TSC22D1: variants seen among roughly 807,000 people sequenced by gnomAD.
TSC22D1 encodes TSC22 domain family protein 1.
TSC22D1 carries 9 observed loss-of-function variants against 74.2 expected under a neutral mutation model. That is an observed-to-expected ratio of 0.12 (90% CI 0.07 to 0.21). The LOEUF (loss-of-function observed/expected upper bound fraction) is 0.21. Ranked by LOEUF, TSC22D1 falls within the 10% of genes least tolerant of loss-of-function variation. The pLI is 1.00. For synonymous variants in TSC22D1, 586 were observed against 492.5 expected (o/e 1.19, Z -2.51); for missense variants, 1,427 against 1,304.7 (o/e 1.09, Z -1.44).
At chr13:44,458,715 C>G (rs1876817164) in intron 1 of TSC22D1, among the ~76,000 whole-genome samples, 1 of 152,202 alleles carries the variant, frequency 6.6e-6, no homozygotes, top group Admixed American at 6.5e-5. Context: ...ACTCCCAGTG[C>G]CCGCTCTGAT....
At chr13:44,513,818 C>G (rs1032487597) in intron 1 of TSC22D1, among the ~76,000 whole-genome samples, 1 of 152,158 alleles carries the variant, frequency 6.6e-6, no homozygotes, top group Non-Finnish European at 1.5e-5. Flanking sequence ...CTAATTAAGG[C>G]CTTCGGGAAA....
intron 1 of TSC22D1, among the ~76,000 whole-genome samples, chr13:44,463,992 T>C (rs1877132397): frequency 6.6e-6 from 1 of 152,186 alleles, no homozygotes; most frequent in Admixed American, 6.5e-5. Flanking sequence ...TGTCTTAGGA[T>C]GGATCTTCCG....
chr13:44,452,237 T>C (rs1388728163), intron 1 of TSC22D1, among the ~76,000 whole-genome samples: 1 of 152,074 alleles, frequency 6.6e-6, no homozygotes, highest in Non-Finnish European at 1.5e-5. Flanking sequence ...GCAACCCCAA[T>C]GTATAGCAAA....
At chr13:44,486,088 A>T (rs1439130184) in intron 1 of TSC22D1, among the ~76,000 whole-genome samples, 1 of 152,082 alleles carries the variant, frequency 6.6e-6, no homozygotes, top group African/African-American at 2.4e-5. Flanking sequence ...ATAAGGCAAG[A>T]ATGGAGGGCA....
Position 44,434,177 on chromosome 13 carries a change from CTCCTT to C in TSC22D1, c.*444_*448del, listed in dbSNP as rs945611231. The stretch of plus-strand genomic sequence containing the variant: ...TCCCCCTCATTTTAGTCTTTTTACC[CTCCTT>C]TCAAGTTCCTCCTGGGGGGAGGAGA... On this transcript the variant is annotated 3_prime_UTR_variant, in exon 3 of 3. Transcript: ENST00000458659. 1.2e-5 allele frequency: 18 copies of C among 1,471,080 alleles called. No individual in the cohort carries two copies. The highest frequency in any genetic ancestry group is 2.4e-4 in the Middle Eastern group (1 of 4,244). The allele number at this position is 1,471,080 out of a possible 1,614,324, so 91.1% of individuals were successfully genotyped here.
intron 1 of TSC22D1, chr13:44,537,639 T>G: frequency 4.1e-6 from 4 of 984,678 alleles, no homozygotes; most frequent in Non-Finnish European, 4.8e-6. Context: ...AATTGTCTTA[T>G]TAACATTTAC....
At chr13:44,491,948 A>G (rs1193686377) in intron 1 of TSC22D1, among the ~76,000 whole-genome samples, 2 of 152,204 alleles carry the variant, frequency 1.3e-5, no homozygotes, top group African/African-American at 4.8e-5. Flanking sequence ...AACACTATAC[A>G]TATCTTCTTA....
At chr13:44,496,545 C>T (rs1209687047) in intron 1 of TSC22D1, among the ~76,000 whole-genome samples, 2 of 151,870 alleles carry the variant, frequency 1.3e-5, no homozygotes, top group African/African-American at 4.8e-5. Context: ...ATTAGCCAGG[C>T]GTGGTGGCAA....
At chr13:44,449,508 G>A (rs1407426227) in intron 1 of TSC22D1, among the ~76,000 whole-genome samples, 3 of 152,172 alleles carry the variant, frequency 2.0e-5, no homozygotes, top group Non-Finnish European at 4.4e-5. Context: ...CCAGGAATAG[G>A]AGAAATGGCT....
At chr13:44,448,470 C>T (rs753956071) in intron 1 of TSC22D1, among the ~76,000 whole-genome samples, 10 of 152,042 alleles carry the variant, frequency 6.6e-5, no homozygotes, top group African/African-American at 1.9e-4. Context: ...GTATTTACAA[C>T]GGTAAAGATA....
At chr13:44,537,340 A>C in intron 1 of TSC22D1, 1 of 985,042 alleles carries the variant, frequency 1.0e-6, no homozygotes, top group Non-Finnish European at 1.2e-6. Context: ...TTAAATAAAT[A>C]GCTTGTAGTG....
intron 1 of TSC22D1, among the ~76,000 whole-genome samples, chr13:44,443,242 T>G (rs901355388): frequency 1.3e-4 from 20 of 151,260 alleles, no homozygotes; most frequent in African/African-American, 4.4e-4. Context: ...CAACAAAGAA[T>G]GATAGCCGAC....
Position 44,446,734 on chromosome 13 carries a change from G to C in TSC22D1, c.2913-10639C>G, listed in dbSNP as rs575057291. Among the ~76,000 whole-genome samples the C allele has an allele frequency of 1.2e-3, 165 of 141,176 alleles. 1 individual carries two copies. Among genetic ancestry groups the C allele is most frequent in the African/African-American group, 4.2e-3 (159 of 38,194 alleles). 92.6% of individuals were successfully genotyped at this position (141,176 alleles called of 152,430 possible). On this transcript the variant is annotated intron_variant, in intron 1 of 2. Coordinates refer to ENST00000458659, the MANE Select transcript of TSC22D1 (RefSeq NM_183422.4). Reference sequence around the variant, plus strand: ...ATGACTGCCCCTAAATAGCAGACTGGGAAGAATGAAAAAAAAAAAAGAAGA... The same window carrying C: ...ATGACTGCCCCTAAATAGCAGACTGCGAAGAATGAAAAAAAAAAAAGAAGA...
At chr13:44,490,068 C>T (rs892422929) in intron 1 of TSC22D1, among the ~76,000 whole-genome samples, 2 of 152,086 alleles carry the variant, frequency 1.3e-5, no homozygotes, top group Admixed American at 6.6e-5. Flanking sequence ...TACTAGCCCC[C>T]AGATGGAAAA....
chr13:44,547,705 T>C (rs1881919603), intron 1 of TSC22D1, among the ~76,000 whole-genome samples: 1 of 152,222 alleles, frequency 6.6e-6, no homozygotes, highest in African/African-American at 2.4e-5. Flanking sequence ...CAAAGTTGGT[T>C]ACAGGTAAAT....
At position 44,575,470 on chromosome 13, in the gene TSC22D1, G is replaced by A. The variant is rs759702630; in HGVS notation, c.605C>T (p.Pro202Leu). ...NQPHLPQPHL[P>L]HLPQQNVVIN... ...CACAACATTCTGTTGTGGAAGGTGA[G>A]GCAAATGAGGCTGAGGAAGGTGGGG... Residue 202 changes from proline to leucine, a missense_variant, in exon 1 of 3, where the codon CCT becomes CTT. By Grantham distance (98) the Pro-to-Leu change is moderately conservative (BLOSUM62 -3). This residue lies in a region of TSC22D1 where 1,343 missense variants were observed against 1,191.5 expected (regional missense o/e 1.13). Transcript: ENST00000458659. 1.2e-6 allele frequency: 2 copies of A among 1,614,006 alleles called. No individual in the cohort carries two copies. Among genetic ancestry groups the A allele is most frequent in the East Asian group, 2.2e-5 (1 of 44,896 alleles).
At chr13:44,484,304 A>G (rs1878329689) in intron 1 of TSC22D1, among the ~76,000 whole-genome samples, 1 of 152,236 alleles carries the variant, frequency 6.6e-6, no homozygotes, top group Non-Finnish European at 1.5e-5. Flanking sequence ...TCTCTACAGT[A>G]ACAAGATTTC....
At chr13:44,514,664 C>T (rs773475763) in intron 1 of TSC22D1, among the ~76,000 whole-genome samples, 6 of 152,122 alleles carry the variant, frequency 3.9e-5, no homozygotes, top group African/African-American at 4.8e-5. Context: ...GTTCAAGACT[C>T]GCCTGGCCAA....
At chr13:44,501,493 T>G (rs1288722290) in intron 1 of TSC22D1, among the ~76,000 whole-genome samples, 2 of 152,200 alleles carry the variant, frequency 1.3e-5, no homozygotes, top group African/African-American at 4.8e-5. Context: ...CCCTTACTGC[T>G]GAATCCCCTG....
Sources: gnomAD v4.1 joint callset for allele counts (sites outside exome capture counted in the v4.1 genomes callset) on GRCh38, gnomAD v4.1.1 for gene constraint, gnomAD v4.1.1 regional missense constraint, MANE v1.5 for transcripts, NCBI Gene and HGNC (gene_info 2026-07-23, HGNC 2026-07-21) for gene names.